SQSTM1: variants seen among roughly 807,000 people sequenced by gnomAD.
SQSTM1 encodes the protein sequestosome 1, also known as sequestosome-1.
In SQSTM1, 36 loss-of-function variants were observed where a neutral mutation model predicts 45.1. That is an observed-to-expected ratio of 0.80 (90% CI 0.61 to 1.05). The LOEUF (loss-of-function observed/expected upper bound fraction) is 1.05, where lower values mean the gene tolerates loss of function less well. Among genes scored for constraint, SQSTM1 ranks in the 50% least tolerant of loss-of-function variants. The probability of loss-of-function intolerance (pLI) is 0.00; values close to 1 mark genes in which losing one functional copy is unlikely to be tolerated. For synonymous variants in SQSTM1, 290 were observed against 244.3 expected, an observed-to-expected ratio of 1.19 and a Z score of -1.74; for missense variants, 617 against 607.1, an observed-to-expected ratio of 1.02 and a Z score of -0.17.
At position 179,833,783 on chromosome 5, in the gene SQSTM1, G is replaced by A. The variant is rs796051870; in HGVS notation, c.1165+1G>A. The A allele has an allele frequency of 1.4e-5, 22 of 1,613,884 alleles. No homozygotes were observed. The highest frequency in any genetic ancestry group is 1.9e-5 in the Non-Finnish European group (22 of 1,180,028). On this transcript the variant is annotated splice_donor_variant, in intron 7 of 7. Transcript: ENST00000389805. LOFTEE classifies it high-confidence loss of function. ...GCCTTGTACCCACATCTCCCGCCAG[G>A]CAAGTGAACCAAGAGGTTTTGTACA...
In SQSTM1 at chr5:179,837,083, C is replaced by A. The variant is rs1195304812; in HGVS notation, c.*490C>A. The A allele has an allele frequency of 1.8e-5, 15 of 829,568 alleles. No homozygotes were observed. The highest frequency in any genetic ancestry group is 3.0e-5 in the Non-Finnish European group (15 of 507,720). 51.4% of individuals were successfully genotyped at this position (829,568 alleles called of 1,614,324 possible). On this transcript the variant is annotated 3_prime_UTR_variant, in exon 8 of 8. Coordinates refer to ENST00000389805, the MANE Select transcript of SQSTM1 (RefSeq NM_003900.5). ...GGGCTTCCTGCTGGGACTGAGAAGGCTCACGAAGGGCATCCGCAATGTTGG... is the reference window on the plus strand; with the variant it reads ...GGGCTTCCTGCTGGGACTGAGAAGGATCACGAAGGGCATCCGCAATGTTGG...
At chr5:179,820,885 G>A (rs1757746044), upstream of SQSTM1, 4 of 1,423,784 alleles carry the variant, frequency 2.8e-6, no homozygotes, top group South Asian at 1.4e-5. Flanking sequence ...TACAAAAGCC[G>A]CGCGGCGGCT....
At chr5:179,834,696 C>T (rs1308604669) in intron 7 of SQSTM1, among the ~76,000 whole-genome samples, 4 of 152,270 alleles carry the variant, frequency 2.6e-5, no homozygotes, top group African/African-American at 7.2e-5. Flanking sequence ...CCTGAGTGGA[C>T]ACAGCACATG....
chr5:179,807,303 G>A (rs942199830), intron 1 of SQSTM1: 2 of 152,292 alleles, frequency 1.3e-5, no homozygotes, highest in Non-Finnish European at 2.9e-5. Context: ...TGGCGCGGGG[G>A]ACTGGGCGGT....
rs1757837403 is a variant in SQSTM1 at position 179,822,944 on chromosome 5, T to C, written c.206-14T>C. 1 of 1,613,666 alleles carries C rather than the reference T, an allele frequency of 6.2e-7. No homozygotes were observed. The highest frequency in any genetic ancestry group is 1.3e-5 in the African/African-American group (1 of 74,908). ...ACCCCTGGGTGCTCACGTGCTGTCT[T>C]TTAAACAATCTAGATGAGGACGGGG... On this transcript the variant is annotated splice_polypyrimidine_tract_variant and intron_variant, in intron 1 of 7. Coordinates refer to ENST00000389805, the MANE Select transcript of SQSTM1 (RefSeq NM_003900.5).
intron 2 of SQSTM1, chr5:179,812,006 G>C (rs544715145): frequency 6.6e-6 from 1 of 152,136 alleles, no homozygotes; most frequent in South Asian, 2.1e-4. Flanking sequence ...GGGTTTCACC[G>C]TGTTAGCCAG....
At chr5:179,833,353 G>T in intron 6 of SQSTM1, 107 bp downstream of exon 6, 1 of 1,164,336 alleles carries the variant, frequency 8.6e-7, no homozygotes, top group African/African-American at 1.5e-5. Context: ...TTACAAACCC[G>T]AGGGAGCTGC....
rs923081171 is a variant in SQSTM1 at position 179,834,536 on chromosome 5, T to C, written c.1165+754T>C. Among the ~76,000 whole-genome samples the C allele has an allele frequency of 4.0e-5, 6 of 151,240 alleles. No homozygotes were observed. In the East Asian group the frequency reaches 7.7e-4, roughly 20 times the overall value. ...TAAACAAGTGAACAAAGGTCTCTGG[T>C]TTTCCTAGGCAGAGGACCCTGCGGC... On this transcript the variant is annotated intron_variant, in intron 7 of 7. Transcript: ENST00000389805.
chr5:179,811,477 A>G (rs1236108294), intron 1 of SQSTM1: 2 of 152,088 alleles, frequency 1.3e-5, no homozygotes, highest in Non-Finnish European at 2.9e-5. Flanking sequence ...GGAGGCGAGA[A>G]ACCAGCTAGC....
intron 1 of SQSTM1, chr5:179,807,199 C>G (rs1034516400): frequency 3.9e-5 from 6 of 152,924 alleles, no homozygotes; most frequent in African/African-American, 1.4e-4. Flanking sequence ...CTCCGGGACC[C>G]CGGTACCCTT....
intron 6 of SQSTM1, 138 bp from the exon 7 acceptor site, chr5:179,833,449 C>A (rs1264853714): frequency 3.8e-6 from 4 of 1,040,516 alleles, no homozygotes; most frequent in Middle Eastern, 2.2e-4. Flanking sequence ...TGAGTGGCCA[C>A]TGTTCCCCCT....
intron 1 of SQSTM1, chr5:179,807,013 G>C (rs1757198663): frequency 6.6e-6 from 1 of 151,356 alleles, no homozygotes; most frequent in African/African-American, 2.4e-5. Flanking sequence ...GGATTTAAAG[G>C]GGCCGCAGCA....
chr5:179,814,174 C>T (rs1757514075), upstream of SQSTM1, among the ~76,000 whole-genome samples: 2 of 152,252 alleles, frequency 1.3e-5, no homozygotes, highest in African/African-American at 2.4e-5. Flanking sequence ...GCTAATTTGT[C>T]TTTTGTCAGT....
chr5:179,831,974 G>T (rs750823488), intron 5 of SQSTM1, among the ~76,000 whole-genome samples: 1 of 151,984 alleles, frequency 6.6e-6, no homozygotes. Flanking sequence ...TAGTAGAGAC[G>T]GGGTTTCACC....
At chr5:179,814,246 CAT>C (rs1188240382), upstream of SQSTM1, among the ~76,000 whole-genome samples, 3 of 152,174 alleles carry the variant, frequency 2.0e-5, no homozygotes, top group African/African-American at 7.2e-5. Context: ...TCCTCCCTGA[CAT>C]AACCATCCAG....
Position 179,823,902 on chromosome 5 carries a change from G to A in SQSTM1, c.346G>A (p.Glu116Lys), listed in dbSNP as rs756209668. 7 of 1,613,354 alleles carry A rather than the reference G, an allele frequency of 4.3e-6. No homozygotes were observed. Among genetic ancestry groups the A allele is most frequent in the Non-Finnish European group, 5.9e-6 (7 of 1,180,038 alleles). The change falls in exon 3 of 8, where the codon GAG (glutamate) becomes AAG (lysine). Residue 116 changes from glutamate to lysine, a missense_variant. By Grantham distance (56) the Glu-to-Lys change is moderately conservative (BLOSUM62 1). Coordinates refer to ENST00000389805, the MANE Select transcript of SQSTM1 (RefSeq NM_003900.5). ...GGACCACCGCCCACCGTGTGCTCAGGAGGCGCCCCGCAACATGGTGCACCC... is the reference window on the plus strand; with the variant it reads ...GGACCACCGCCCACCGTGTGCTCAGAAGGCGCCCCGCAACATGGTGCACCC... ...RRDHRPPCAQ[E>K]APRNMVHPNV...
At chr5:179,817,341 T>TC (rs1259532193), upstream of SQSTM1, among the ~76,000 whole-genome samples, 11 of 151,482 alleles carry the variant, frequency 7.3e-5, no homozygotes, top group African/African-American at 2.4e-4. Context: ...CCTCCATCCC[T>TC]CCCCCCTTTT....
At chr5:179,813,461 G>T (rs1418596199) in intron 2 of SQSTM1, 2 of 152,222 alleles carry the variant, frequency 1.3e-5, no homozygotes, top group Non-Finnish European at 2.9e-5. Flanking sequence ...CTTTGAAGCT[G>T]TGCATAAAGT....
In SQSTM1 at chr5:179,836,455, T is replaced by G; in HGVS notation, c.1185T>G (p.Ile395Met). 1 of 1,614,206 alleles carries G rather than the reference T, an allele frequency of 6.2e-7. No homozygotes were observed. The highest frequency in any genetic ancestry group is 1.6e-4 in the Middle Eastern group (1 of 6,062). ...CGGCAGAGGCTGACCCGCGGCTGAT[T>G]GAGTCCCTCTCCCAGATGCTGTCCA... ...HLPPEADPRL[I>M]ESLSQMLSMG... The change falls in exon 8 of 8, where the codon ATT becomes ATG. Residue 395 changes from isoleucine (I) to methionine (M), a missense_variant. Ile to Met is a conservative substitution (Grantham distance 10). Transcript: ENST00000389805.
Sources: allele counts gnomAD v4.1 joint callset (sites outside exome capture counted in the v4.1 genomes callset), GRCh38; gene constraint gnomAD v4.1.1; transcripts MANE v1.5; gene names NCBI Gene and HGNC (gene_info 2026-07-23, HGNC 2026-07-21).